The following CLTC variants were observed in gnomAD, a reference collection of about 807,000 sequenced individuals.
The protein encoded by CLTC is clathrin heavy chain 1.
Under a neutral mutation model 195.8 loss-of-function variants are expected in CLTC, and 16 were observed. The observed-to-expected ratio is 0.08, with a 90% confidence interval of 0.06 to 0.12. The LOEUF is 0.12. CLTC is among the 10% of genes least tolerant of loss of function. CLTC has a pLI of 1.00. For missense variants in CLTC, 796 were observed against 2,027.0 expected (o/e 0.39, Z 11.66); for synonymous variants, 667 against 689.4 (o/e 0.97, Z 0.51).
chr17:59,621,893 A>G (rs2031391508), intron 1 of CLTC, among the ~76,000 whole-genome samples: 1 of 152,226 alleles, frequency 6.6e-6, no homozygotes, highest in Admixed American at 6.5e-5. Flanking sequence ...ATTAAACTGC[A>G]TCTGAAATAT....
At chr17:59,665,970 G>A (rs1446061042) in intron 10 of CLTC, 133 bp from the exon 11 acceptor site, 4 of 558,050 alleles carry the variant, frequency 7.2e-6, no homozygotes, top group Non-Finnish European at 9.3e-6. Flanking sequence ...GATCCCTAGA[G>A]GACAAAAATT....
At chr17:59,635,967 T>C (rs2143470115) in intron 1 of CLTC, among the ~76,000 whole-genome samples, 1 of 152,228 alleles carries the variant, frequency 6.6e-6, no homozygotes, top group South Asian at 2.1e-4. Flanking sequence ...CCCAGCACTT[T>C]GGGAGGCCGA....
At chr17:59,659,455 T>A (rs1288819458) in intron 6 of CLTC, among the ~76,000 whole-genome samples, 3 of 9,238 alleles carry the variant, frequency 3.2e-4, no homozygotes, top group Non-Finnish European at 1.6e-3. Flanking sequence ...TTTAATTAAT[T>A]TTTTTTTTTT....
rs914753425 is a variant in CLTC, at chr17:59,681,557, G to A, written c.3249+79G>A. The A allele has an allele frequency of 1.3e-5, 20 of 1,567,954 alleles. No individual in the cohort carries two copies. In the African/African-American group the frequency reaches 2.3e-4, roughly 18 times the overall value. On this transcript the variant is annotated intron_variant, in intron 20 of 31. Coordinates refer to ENST00000269122, the MANE Select transcript of CLTC (RefSeq NM_004859.4). The surrounding 1 kb of genome is among the most constrained non-coding windows in gnomAD (Gnocchi z 5.0). ...GGCCTAATTGGTTGCTACGGCAATA[G>A]AGCAGCAATAAAATACTAACAGCTT...
At chr17:59,645,009 A>C (rs548248855) in intron 2 of CLTC, among the ~76,000 whole-genome samples, 56 of 152,364 alleles carry the variant, frequency 3.7e-4, no homozygotes, top group African/African-American at 1.2e-3. Context: ...ATGTCTTAAC[A>C]TATATCTACT....
Position 59,659,473 on chromosome 17 carries a change from CAG to C in CLTC, c.970-915_970-914del, listed in dbSNP as rs1433579848. Among the ~76,000 whole-genome samples, 1,311 of 143,356 alleles carry C rather than the reference CAG, an allele frequency of 9.1e-3. 16 individuals are homozygous for C. The highest frequency in any genetic ancestry group is 0.031 in the African/African-American group (1,184 of 38,696). 94.0% of individuals were successfully genotyped at this position (143,356 alleles called of 152,430 possible). A position where few individuals can be genotyped will look rare whatever the true frequency, so the allele number is the denominator to read the frequency against. The stretch of plus-strand genomic sequence containing the variant: ...AATTAATTTTTTTTTTTTTTTGAGA[CAG>C]AGTCTCCCTCTGTTGCCCAGGCTGG... On this transcript the variant is annotated intron_variant, in intron 6 of 31. Coordinates refer to ENST00000269122, the MANE Select transcript of CLTC (RefSeq NM_004859.4).
chr17:59,664,300 C>T (rs2032673610), intron 9 of CLTC, among the ~76,000 whole-genome samples: 2 of 151,720 alleles, frequency 1.3e-5, no homozygotes, highest in African/African-American at 2.4e-5. Flanking sequence ...GCCTGTAATC[C>T]CAGCACTTTG....
rs2031903867 is a variant in CLTC at position 59,637,578 on chromosome 17, T to C, written c.43-6698T>C. Among the ~76,000 whole-genome samples, 3 of 149,130 alleles carry C rather than the reference T, an allele frequency of 2.0e-5. No individual in the cohort carries two copies. In the South Asian group the frequency reaches 6.4e-4, roughly 32 times the overall value. ...TTAAAAAAAAAAAAAAAATTTTTTTTTTAGCCGGGTACAGTGACTCATGCC... is the reference window on the plus strand; with the variant it reads ...TTAAAAAAAAAAAAAAAATTTTTTTCTTAGCCGGGTACAGTGACTCATGCC... On this transcript the variant is annotated intron_variant, in intron 1 of 31. Transcript: ENST00000269122.
At position 59,648,138 on chromosome 17, in the gene CLTC, C is replaced by A; in HGVS notation, c.520-102C>A. Reference sequence around the variant, plus strand: ...ATGAAGTGACAAATAATTATAAATCCTGCTAAAGATGACAAAGCATTCTAA... The same window carrying A: ...ATGAAGTGACAAATAATTATAAATCATGCTAAAGATGACAAAGCATTCTAA... On this transcript the variant is annotated intron_variant, in intron 3 of 31. Transcript: ENST00000269122. The surrounding 1 kb of genome is among the most constrained non-coding windows in gnomAD (Gnocchi z 4.5). The A allele has an allele frequency of 2.7e-6, 3 of 1,094,298 alleles. No individual in the cohort carries two copies. The highest frequency in any genetic ancestry group is 3.9e-6 in the Non-Finnish European group (3 of 766,698). 67.8% of individuals were successfully genotyped at this position (1,094,298 alleles called of 1,614,324 possible).
Position 59,681,175 on chromosome 17 carries a change from A to C in CLTC, c.3065+118A>C, listed in dbSNP as rs1375929282. 6.9e-7 allele frequency: 1 copy of C among 1,448,498 alleles called. No homozygotes were observed. The highest frequency in any genetic ancestry group is 2.3e-5 in the East Asian group (1 of 43,746). The allele number at this position is 1,448,498 out of a possible 1,614,324, so 89.7% of individuals were successfully genotyped here. A position where few individuals can be genotyped will look rare whatever the true frequency, so the allele number is the denominator to read the frequency against. On this transcript the variant is annotated intron_variant, in intron 19 of 31. Transcript: ENST00000269122. The surrounding 1 kb of genome is among the most constrained non-coding windows in gnomAD (Gnocchi z 5.0). ...AAGTTGCCTGAATTCTCACTCTTCT[A>C]ATATCCTCCCCCCTACCCTACCTCT...
intron 1 of CLTC, among the ~76,000 whole-genome samples, chr17:59,624,052 C>T (rs2031467261): frequency 6.6e-6 from 1 of 152,178 alleles, no homozygotes; most frequent in Non-Finnish European, 1.5e-5. Context: ...TGAATACTGT[C>T]TGTCTTGGAA....
intron 18 of CLTC, 56 bp from the exon 19 acceptor site, chr17:59,680,856 C>T (rs575857266): frequency 1.5e-5 from 21 of 1,444,224 alleles, no homozygotes; most frequent in Admixed American, 1.4e-4. Context: ...GGCCAACTTA[C>T]GCTTTTTTAA....
At position 59,694,493 on chromosome 17, in the gene CLTC, T is replaced by A. The variant is rs1455662778; in HGVS notation, c.*641T>A. 4.4e-6 allele frequency: 1 copy of A among 226,550 alleles called. No homozygotes were observed. Among genetic ancestry groups the A allele is most frequent in the East Asian group, 6.4e-5 (1 of 15,588 alleles). 14.0% of individuals were successfully genotyped at this position (226,550 alleles called of 1,614,324 possible). A position where few individuals can be genotyped will look rare whatever the true frequency, so the allele number is the denominator to read the frequency against. ...GCATATAGAAAATGCTAGTATGTTT[T>A]GCTCACTTCATATGTAACAGGTGCC... On this transcript the variant is annotated 3_prime_UTR_variant, in exon 32 of 32. Transcript: ENST00000269122.
At chr17:59,659,407 T>C (rs964085195) in intron 6 of CLTC, among the ~76,000 whole-genome samples, 1 of 151,604 alleles carries the variant, frequency 6.6e-6, no homozygotes, top group Non-Finnish European at 1.5e-5. Flanking sequence ...AAATTGGCCT[T>C]TACTGATATT....
Position 59,694,843 on chromosome 17 carries a change from C to A in CLTC, c.*991C>A, listed in dbSNP as rs907875411. The A allele has an allele frequency of 8.9e-6, 2 of 225,906 alleles. No individual in the cohort carries two copies. Among genetic ancestry groups the A allele is most frequent in the Non-Finnish European group, 1.8e-5 (2 of 113,412 alleles). 14.0% of individuals were successfully genotyped at this position (225,906 alleles called of 1,614,324 possible). ...AGTTTTTGTAGTTTTATATTGGATACTGAGGCATTAGGGAGGCATGAAAGG... is the reference window on the plus strand; with the variant it reads ...AGTTTTTGTAGTTTTATATTGGATAATGAGGCATTAGGGAGGCATGAAAGG... On this transcript the variant is annotated 3_prime_UTR_variant, in exon 32 of 32. Coordinates refer to ENST00000269122, the MANE Select transcript of CLTC (RefSeq NM_004859.4).
At chr17:59,688,920 C>CT (rs1325737468) in intron 30 of CLTC, among the ~76,000 whole-genome samples, 1 of 152,094 alleles carries the variant, frequency 6.6e-6, no homozygotes, top group Non-Finnish European at 1.5e-5. Context: ...TTCTGTAGCT[C>CT]TTTCTTGAAT....
chr17:59,661,694 T>C, intron 8 of CLTC, 51 bp downstream of exon 8: 1 of 1,518,168 alleles, frequency 6.6e-7, no homozygotes, highest in Non-Finnish European at 9.1e-7. Flanking sequence ...TTAAATATGA[T>C]ATTGGCAAGT....
intron 1 of CLTC, among the ~76,000 whole-genome samples, chr17:59,621,756 A>AT (rs959717196): frequency 1.6e-4 from 25 of 151,560 alleles, no homozygotes; most frequent in Admixed American, 3.9e-4. Context: ...CAAAATGGAC[A>AT]TTTTTTTTTG....
At chr17:59,647,154 C>G (rs545892923) in intron 2 of CLTC, among the ~76,000 whole-genome samples, 1 of 152,202 alleles carries the variant, frequency 6.6e-6, no homozygotes, top group South Asian at 2.1e-4. Context: ...ATTTAGAATT[C>G]CATGGAAGTC....
Sources: gnomAD v4.1 joint callset for allele counts (sites outside exome capture counted in the v4.1 genomes callset) on GRCh38, gnomAD v4.1.1 for gene constraint, Gnocchi (gnomAD v3.1) non-coding constraint, MANE v1.5 for transcripts, NCBI Gene and HGNC (gene_info 2026-07-23, HGNC 2026-07-21) for gene names.